TSPEAR: variants seen among roughly 807,000 people sequenced by gnomAD.
TSPEAR encodes thrombospondin type laminin G domain and EAR repeats.
Under a neutral mutation model 71.6 loss-of-function variants are expected in TSPEAR, and 69 were observed. The observed-to-expected ratio is 0.96, with a 90% CI of 0.79 to 1.18. TSPEAR has a LOEUF of 1.18. TSPEAR is among the 50% of genes most tolerant of loss of function. The probability of loss-of-function intolerance (pLI) is 0.00; values close to 1 mark genes in which losing one functional copy is unlikely to be tolerated. For missense variants in TSPEAR, 971 were observed against 894.9 expected, an observed-to-expected ratio of 1.09 and a Z score of -1.09; for synonymous variants, 402 against 387.2, an observed-to-expected ratio of 1.04 and a Z score of -0.45.
Position 44,612,706 on chromosome 21 carries a change from C to T in TSPEAR, c.83-44701G>A. ...AGCCGGCTTGCTGCACCACCTCCTG[C>T]TGCAGACCCTCCTCCTCCGTGTCCC... On this transcript the variant is annotated intron_variant, in intron 1 of 11. Coordinates refer to ENST00000323084, the MANE Select transcript of TSPEAR (RefSeq NM_144991.3). The surrounding 1 kb of genome is among the most constrained non-coding windows in gnomAD (Gnocchi z 4.1). 2 of 1,613,994 alleles carry T rather than the reference C, an allele frequency of 1.2e-6. No homozygotes were observed. Among genetic ancestry groups the T allele is most frequent in the Non-Finnish European group, 1.7e-6 (2 of 1,179,966 alleles).
intron 1 of TSPEAR, chr21:44,575,110 C>A: frequency 8.5e-7 from 1 of 1,183,002 alleles, no homozygotes; most frequent in Non-Finnish European, 1.2e-6. Context: ...TGCACTTTGA[C>A]CATTTCCTGG....
chr21:44,617,591 G>A (rs1982185926), intron 1 of TSPEAR, among the ~76,000 whole-genome samples: 1 of 152,254 alleles, frequency 6.6e-6, no homozygotes, highest in African/African-American at 2.4e-5. Context: ...TGCTGGCAAG[G>A]TGTGGCCGTG....
intron 1 of TSPEAR, among the ~76,000 whole-genome samples, chr21:44,693,058 A>T (rs1275010160): frequency 1.3e-5 from 2 of 152,206 alleles, no homozygotes; most frequent in Admixed American, 6.5e-5. Context: ...AAACTCATAC[A>T]TTTATGGCCA....
At chr21:44,691,167 C>T (rs556709250) in intron 1 of TSPEAR, among the ~76,000 whole-genome samples, 48 of 152,038 alleles carry the variant, frequency 3.2e-4, no homozygotes, top group Middle Eastern at 3.4e-3. Flanking sequence ...TGAAATGTCT[C>T]CTAAGAACAT....
intron 2 of TSPEAR, among the ~76,000 whole-genome samples, chr21:44,548,283 C>A (rs976113890): frequency 1.1e-4 from 17 of 152,336 alleles, no homozygotes; most frequent in African/African-American, 3.8e-4. Context: ...TGACTGTCAC[C>A]CAGCTGGGGA....
At chr21:44,579,236 C>T (rs1471582387) in intron 1 of TSPEAR, among the ~76,000 whole-genome samples, 1 of 152,122 alleles carries the variant, frequency 6.6e-6, no homozygotes, top group Admixed American at 6.5e-5. Context: ...GGCACGGCAG[C>T]CAATGACCAG....
At chr21:44,540,495 G>A (rs1161930608) in intron 2 of TSPEAR, among the ~76,000 whole-genome samples, 1 of 152,174 alleles carries the variant, frequency 6.6e-6, no homozygotes, top group Non-Finnish European at 1.5e-5. Flanking sequence ...TTGTAAGAAG[G>A]GGGCTGCGGA....
Position 44,600,826 on chromosome 21 carries a change from C to T in TSPEAR, c.83-32821G>A, listed in dbSNP as rs782705249. ...GAGCTATGTGTCCAGCCCCTGCTGC[C>T]GAGTGACCTGTGAGCCCAGCCCCTG... is the stretch of plus-strand genomic sequence containing the variant. On this transcript the variant is annotated intron_variant, in intron 1 of 11. Transcript: ENST00000323084. 1.6e-5 allele frequency: 25 copies of T among 1,605,364 alleles called. 1 individual carries two copies. Among genetic ancestry groups the T allele is most frequent in the Middle Eastern group, 1.9e-4 (1 of 5,284 alleles).
At chr21:44,519,852 G>A (rs1350519275) in intron 9 of TSPEAR, 1 of 152,328 alleles carries the variant, frequency 6.6e-6, no homozygotes, top group Non-Finnish European at 1.5e-5. Flanking sequence ...AGGGTGATGT[G>A]GGCGGATGCG....
chr21:44,528,887 A>G (rs2052909983), intron 5 of TSPEAR, among the ~76,000 whole-genome samples: 1 of 152,246 alleles, frequency 6.6e-6, no homozygotes, highest in East Asian at 1.9e-4. Flanking sequence ...GAGAGTCCTC[A>G]GCGATTGCAC....
chr21:44,597,475 C>G (rs1452523213), intron 1 of TSPEAR, among the ~76,000 whole-genome samples: 1 of 150,190 alleles, frequency 6.7e-6, no homozygotes, highest in East Asian at 1.9e-4. Context: ...TCTTGTCGCC[C>G]AGGCTGGAGG....
chr21:44,569,024 C>T (rs587630976), intron 1 of TSPEAR, among the ~76,000 whole-genome samples: 7 of 152,318 alleles, frequency 4.6e-5, no homozygotes, highest in South Asian at 2.1e-4. Flanking sequence ...CTTCCTCCCC[C>T]GCCTGCCTGC....
intron 1 of TSPEAR, among the ~76,000 whole-genome samples, chr21:44,665,903 G>A (rs2329841): frequency 0.72 from 108,774 of 152,056 alleles, 39,363 homozygotes; most frequent in African/African-American, 0.82. Flanking sequence ...TTGGCCATCA[G>A]TGCAGGGCTT....
At position 44,509,226 on chromosome 21, in the gene TSPEAR, A is replaced by T. The variant is rs1555912290; in HGVS notation, c.1727T>A (p.Val576Asp). The change falls in exon 10 of 12, where the codon GTC becomes GAC. Residue 576 changes from valine to aspartate, a missense_variant. Transcript: ENST00000323084. Reference sequence around the variant, plus strand: ...GCAGGTGAGAATGTCCTGGAACTTGACAAAGGCCTGCGCGGTCACGTTCAG... The same window carrying T: ...GCAGGTGAGAATGTCCTGGAACTTGTCAAAGGCCTGCGCGGTCACGTTCAG... ...YELNVTAQAF[V>D]KFQDILTCSA... 1.2e-6 allele frequency: 2 copies of T among 1,614,018 alleles called. No individual in the cohort carries two copies. Among genetic ancestry groups the T allele is most frequent in the Non-Finnish European group, 1.7e-6 (2 of 1,180,002 alleles).
intron 9 of TSPEAR, among the ~76,000 whole-genome samples, chr21:44,521,532 C>T (rs1976472): frequency 0.04 from 6,018 of 152,334 alleles, 418 homozygotes; most frequent in African/African-American, 0.14. Context: ...CAGATTAGAC[C>T]GCGGGAGCTT....
In TSPEAR at chr21:44,558,160, G is replaced by C. The variant is rs201034957; in HGVS notation, c.303+9625C>G. On this transcript the variant is annotated intron_variant, in intron 2 of 11. Transcript: ENST00000323084. ...CAGGAGGCCGGGCGGCAGCAGCTGG[G>C]CTGGCAGGTGGAGGCAGGGGCACAG... 147 of 1,611,266 alleles carry C rather than the reference G, an allele frequency of 9.1e-5. No homozygotes were observed. Among genetic ancestry groups the C allele is most frequent in the Non-Finnish European group, 9.8e-5 (115 of 1,178,826 alleles).
intron 1 of TSPEAR, among the ~76,000 whole-genome samples, chr21:44,576,720 C>CAGAAAAAG (rs1555924044): frequency 1.3e-4 from 20 of 152,196 alleles, no homozygotes; most frequent in African/African-American, 4.3e-4. Context: ...TACCAAACCT[C>CAGAAAAAG]ACTCTGTCTT....
chr21:44,622,441 T>C (rs76498329), intron 1 of TSPEAR, among the ~76,000 whole-genome samples: 8,660 of 151,944 alleles, frequency 0.057, 428 homozygotes, highest in East Asian at 0.25. Context: ...CTTATAAGAG[T>C]GGAAATTTAT....
chr21:44,586,642 T>C (rs1175294536), intron 1 of TSPEAR, among the ~76,000 whole-genome samples: 1 of 151,362 alleles, frequency 6.6e-6, no homozygotes, highest in Non-Finnish European at 1.5e-5. Flanking sequence ...TCCCCCAGCC[T>C]CAGGCACCTA....
Sources: allele counts gnomAD v4.1 joint callset (sites outside exome capture counted in the v4.1 genomes callset), GRCh38; gene constraint gnomAD v4.1.1; non-coding constraint Gnocchi (gnomAD v3.1); transcripts MANE v1.5; gene names NCBI Gene and HGNC (gene_info 2026-07-23, HGNC 2026-07-21).